STK24: variants seen among roughly 807,000 people sequenced by gnomAD.
The protein encoded by STK24 is serine/threonine kinase 24, also known as serine/threonine-protein kinase 24.
STK24 carries 21 observed loss-of-function variants against 55.6 expected under a neutral mutation model. The ratio of observed to expected loss-of-function variants is 0.38; its 90% CI spans 0.27 to 0.54. The LOEUF is 0.54. STK24 is among the 20% of genes least tolerant of loss of function. STK24 has a pLI of 0.79. For synonymous variants in STK24, 200 were observed against 215.2 expected (o/e 0.93, Z 0.62); for missense variants, 383 against 538.4 (o/e 0.71, Z 2.86).
chr13:98,452,350 A>C lies in STK24; in HGVS notation c.*823T>G, dbSNP rs1227267965. 1 of 152,640 alleles carries C rather than the reference A, an allele frequency of 6.6e-6. No individual in the cohort carries two copies. Among genetic ancestry groups the C allele is most frequent in the East Asian group, 1.9e-4 (1 of 5,196 alleles). 9.5% of individuals were successfully genotyped at this position (152,640 alleles called of 1,614,324 possible). A position where few individuals can be genotyped will look rare whatever the true frequency, so the allele number is the denominator to read the frequency against. On this transcript the variant is annotated 3_prime_UTR_variant, in exon 11 of 11. Coordinates refer to ENST00000539966, the MANE Select transcript of STK24 (RefSeq NM_001032296.4). ...GCTTCATGGGGAGAAACTGAAAATT[A>C]TAATTTAAAGCTTCATGAGGCAAGA...
In STK24 at chr13:98,446,674, TC is replaced by T; in HGVS notation, c.*6498del. On this transcript the variant is annotated 3_prime_UTR_variant, in exon 11 of 11. Coordinates refer to ENST00000539966, the MANE Select transcript of STK24 (RefSeq NM_001032296.4). ...TTGTTTCCCCTTTCCAGGACAATCA[TC>T]CCCTTGCCAGCCTGCCTCTGCTCGG... 1 of 1,613,974 alleles carries T rather than the reference TC, an allele frequency of 6.2e-7. No individual in the cohort carries two copies.
At chr13:98,571,082 C>T (rs559796594) in intron 1 of STK24, among the ~76,000 whole-genome samples, 1 of 152,110 alleles carries the variant, frequency 6.6e-6, no homozygotes, top group African/African-American at 2.4e-5. Context: ...CGGGAGTAAT[C>T]GCCCAAATAA....
chr13:98,565,650 T>A lies in STK24; in HGVS notation c.42+11095A>T, dbSNP rs1487996298. On this transcript the variant is annotated intron_variant, in intron 1 of 10. Coordinates refer to ENST00000539966, the MANE Select transcript of STK24 (RefSeq NM_001032296.4). ...CCATCTCAAAAAAAAAAAAAAAAAA[T>A]TATATTCGATTAGAGGGTACTTTTT... 1.1e-4 allele frequency among the ~76,000 whole-genome samples: 14 copies of A among 132,100 alleles called. No individual in the cohort carries two copies. The South Asian group carries it at 3.1e-3, about 29-fold the overall frequency. The allele number at this position is 132,100 out of a possible 152,430, so 86.7% of individuals were successfully genotyped here. A position where few individuals can be genotyped will look rare whatever the true frequency, so the allele number is the denominator to read the frequency against.
At chr13:98,483,627 C>T (rs566573870) in intron 2 of STK24, among the ~76,000 whole-genome samples, 27 of 152,308 alleles carry the variant, frequency 1.8e-4, no homozygotes, top group African/African-American at 5.5e-4. Context: ...TCCCTCCCCA[C>T]GCCCTGGGCA....
At chr13:98,475,522 G>C (rs986914012) in intron 3 of STK24, among the ~76,000 whole-genome samples, 164 bp from the exon 4 acceptor site, 1 of 152,194 alleles carries the variant, frequency 6.6e-6, no homozygotes, top group Non-Finnish European at 1.5e-5. Flanking sequence ...AGTCCACTGA[G>C]GGACCCTTAA....
At chr13:98,529,966 G>A (rs1594644206) in intron 1 of STK24, among the ~76,000 whole-genome samples, 1 of 152,102 alleles carries the variant, frequency 6.6e-6, no homozygotes, top group African/African-American at 2.4e-5. Flanking sequence ...CAGGGCCCAG[G>A]AAAGAAGGCT....
At chr13:98,519,214 A>G in intron 2 of STK24, 29 bp downstream of exon 2, 1 of 1,585,514 alleles carries the variant, frequency 6.3e-7, no homozygotes, top group Non-Finnish European at 8.7e-7. Context: ...GTGCTGCAGA[A>G]CGGAGAAGCA....
intron 1 of STK24, among the ~76,000 whole-genome samples, chr13:98,557,555 G>T (rs908208887): frequency 6.6e-6 from 1 of 152,158 alleles, no homozygotes; most frequent in African/African-American, 2.4e-5. Context: ...CTTTTACCTG[G>T]GAAACCGCAA....
chr13:98,536,557 G>A (rs9513440), intron 1 of STK24, among the ~76,000 whole-genome samples: 25,203 of 151,760 alleles, frequency 0.17, 2,163 homozygotes, highest in African/African-American at 0.18. Context: ...TTGTAGAGAC[G>A]GGGTCTATGT....
intron 2 of STK24, among the ~76,000 whole-genome samples, chr13:98,510,273 G>A (rs1487200451): frequency 1.3e-5 from 2 of 152,274 alleles, no homozygotes; most frequent in Non-Finnish European, 2.9e-5. Context: ...CATCCACCAG[G>A]TAAAAGAAGC....
At chr13:98,465,890 A>C (rs746155150) in intron 6 of STK24, among the ~76,000 whole-genome samples, 1 of 152,246 alleles carries the variant, frequency 6.6e-6, no homozygotes, top group Non-Finnish European at 1.5e-5. Flanking sequence ...TATTAAACCT[A>C]AAAAGAGAAA....
At chr13:98,506,730 C>T (rs1566374533) in intron 2 of STK24, among the ~76,000 whole-genome samples, 2 of 152,208 alleles carry the variant, frequency 1.3e-5, no homozygotes, top group South Asian at 2.1e-4. Context: ...AGGTGAGCAT[C>T]GGCGAAGCAC....
chr13:98,480,901 C>T (rs1894556156), intron 3 of STK24, among the ~76,000 whole-genome samples: 1 of 152,216 alleles, frequency 6.6e-6, no homozygotes, highest in Admixed American at 6.5e-5. Flanking sequence ...AAGAAGTTTC[C>T]TCTCAAAGGG....
At chr13:98,469,047 A>G (rs754377411) in intron 5 of STK24, among the ~76,000 whole-genome samples, 6 of 152,178 alleles carry the variant, frequency 3.9e-5, no homozygotes, top group Non-Finnish European at 8.8e-5. Context: ...GCTTGCCTTG[A>G]TTTTACTCAG....
At position 98,576,729 on chromosome 13, in the gene STK24, G is replaced by C; in HGVS notation, c.42+16C>G. Reference sequence around the variant, plus strand: ...CCCGGTCGCGCATCCCGGCCCCGCGGCCCGCGCCCGCCTACCTGCATGCCG... The same window carrying C: ...CCCGGTCGCGCATCCCGGCCCCGCGCCCCGCGCCCGCCTACCTGCATGCCG... On this transcript the variant is annotated intron_variant, in intron 1 of 10. Transcript: ENST00000539966. 2 of 1,458,166 alleles carry C rather than the reference G, an allele frequency of 1.4e-6. No individual in the cohort carries two copies. Among genetic ancestry groups the C allele is most frequent in the Non-Finnish European group, 1.8e-6 (2 of 1,109,224 alleles). 90.3% of individuals were successfully genotyped at this position (1,458,166 alleles called of 1,614,324 possible). A position where few individuals can be genotyped will look rare whatever the true frequency, so the allele number is the denominator to read the frequency against.
chr13:98,500,731 C>T lies in STK24; in HGVS notation c.274-18410G>A, dbSNP rs147288193. 5.3e-3 allele frequency among the ~76,000 whole-genome samples: 811 copies of T among 151,772 alleles called. 2 individuals are homozygous for T. Among genetic ancestry groups the T allele is most frequent in the Non-Finnish European group, 9.2e-3 (622 of 67,952 alleles). Reference sequence around the variant, plus strand: ...CTTCCCCTCCCATCCTCCCCCAACCCGTCCACAAGCCCAACTATGACAATA... The same window carrying T: ...CTTCCCCTCCCATCCTCCCCCAACCTGTCCACAAGCCCAACTATGACAATA... On this transcript the variant is annotated intron_variant, in intron 2 of 10. Coordinates refer to ENST00000539966, the MANE Select transcript of STK24 (RefSeq NM_001032296.4).
intron 3 of STK24, among the ~76,000 whole-genome samples, chr13:98,481,565 T>C (rs1226839163): frequency 6.6e-6 from 1 of 152,236 alleles, no homozygotes; most frequent in Non-Finnish European, 1.5e-5. Flanking sequence ...CATGCTTATT[T>C]TGGAAACTAA....
At chr13:98,459,778 A>C (rs562980445) in intron 9 of STK24, among the ~76,000 whole-genome samples, 7 of 152,386 alleles carry the variant, frequency 4.6e-5, no homozygotes, top group African/African-American at 1.7e-4. Flanking sequence ...GGGACTTCCA[A>C]CTTATTTTCA....
chr13:98,550,478 A>G (rs1354014637), intron 1 of STK24, among the ~76,000 whole-genome samples: 1 of 152,208 alleles, frequency 6.6e-6, no homozygotes, highest in African/African-American at 2.4e-5. Flanking sequence ...ACAGTGAGCC[A>G]TGATCACACC....
Sources: gnomAD v4.1 joint callset for allele counts (sites outside exome capture counted in the v4.1 genomes callset) on GRCh38, gnomAD v4.1.1 for gene constraint, MANE v1.5 for transcripts, NCBI Gene and HGNC (gene_info 2026-07-23, HGNC 2026-07-21) for gene names.